Variants in SMS observed in about 807,000 individuals in gnomAD.
The protein encoded by SMS is spermine synthase, also known as spermidine aminopropyltransferase.
In SMS, 3 loss-of-function variants were observed where a neutral mutation model predicts 33.0. The observed-to-expected ratio is 0.09, with a 90% confidence interval of 0.04 to 0.23. SMS has a LOEUF of 0.23. Among genes scored for constraint, SMS ranks in the 10% least tolerant of loss-of-function variants. SMS has a pLI of 1.00. For synonymous variants in SMS, 103 were observed against 112.2 expected (o/e 0.92, Z 0.52); for missense variants, 117 against 288.6 (o/e 0.41, Z 4.31).
rs3216777 is a variant in SMS at position 21,994,794 on chromosome X, TAAAAAA to T, written c.*447_*452del. 1.4e-6 allele frequency: 1 copy of T among 729,987 alleles called. No individual in the cohort carries two copies. The highest frequency in any genetic ancestry group is 2.4e-5 in the African/African-American group (1 of 41,688). The allele number at this position is 729,987 out of a possible 1,213,427, so 60.2% of individuals were successfully genotyped here. On this transcript the variant is annotated 3_prime_UTR_variant, in exon 11 of 11. Coordinates refer to ENST00000404933, the MANE Select transcript of SMS (RefSeq NM_004595.5). ...AAATTTGGTGCTTATAAGAGAGAGT[TAAAAAA>T]AAATAGGATTGCTTCAATTAAAATT...
intron 7 of SMS, among the ~76,000 whole-genome samples, chrX:21,982,334 C>CT (rs2146951671): frequency 1.1e-5 from 1 of 89,361 alleles, no homozygotes; most frequent in Non-Finnish European, 2.1e-5. Context: ...CAAGACTTGT[C>CT]TCAAAAAAAA....
At chrX:21,989,661 G>A (rs1165112134) in intron 9 of SMS, among the ~76,000 whole-genome samples, 1 of 111,501 alleles carries the variant, frequency 9.0e-6, no homozygotes, top group Admixed American at 9.5e-5. Flanking sequence ...CACGCCTGAG[G>A]ATTTTCCAGA....
intron 9 of SMS, among the ~76,000 whole-genome samples, chrX:21,991,280 C>T (rs917173425): frequency 9.0e-6 from 1 of 111,528 alleles, no homozygotes; most frequent in Non-Finnish European, 1.9e-5. Context: ...TGGGTTCAAG[C>T]GGTTCTTCTG....
At chrX:21,979,733 T>G (rs1376970644) in intron 7 of SMS, among the ~76,000 whole-genome samples, 1 of 110,426 alleles carries the variant, frequency 9.1e-6, no homozygotes, top group Non-Finnish European at 1.9e-5. Context: ...ATGTGATCGC[T>G]GGGTCAAATG....
At position 21,994,720 on chromosome X, in the gene SMS, G is replaced by C; in HGVS notation, c.*369G>C. On this transcript the variant is annotated 3_prime_UTR_variant, in exon 11 of 11. Transcript: ENST00000404933. ...GAGTGAACATCGTTGTTTTGCTGGA[G>C]GGAAGATCTTGATGGTGTTTCTTTC... 1.3e-6 allele frequency: 1 copy of C among 783,153 alleles called. No homozygotes were observed. The highest frequency in any genetic ancestry group is 1.5e-6 in the Non-Finnish European group (1 of 658,537). 64.5% of individuals were successfully genotyped at this position (783,153 alleles called of 1,213,427 possible). A position where few individuals can be genotyped will look rare whatever the true frequency, so the allele number is the denominator to read the frequency against.
chrX:21,972,819 G>T (rs759353187), intron 4 of SMS, among the ~76,000 whole-genome samples: 1 of 106,293 alleles, frequency 9.4e-6, no homozygotes, highest in East Asian at 3.0e-4. Flanking sequence ...TGACGCATGC[G>T]AATGGCCTGA....
chrX:21,958,444 C>T (rs1228843733), intron 1 of SMS, among the ~76,000 whole-genome samples: 3 of 112,287 alleles, frequency 2.7e-5, no homozygotes, highest in African/African-American at 9.7e-5. Flanking sequence ...TTTTGGGGAA[C>T]AGCTTTATTG....
In SMS at chrX:21,966,772, A is replaced by G. The variant is rs1052958455; in HGVS notation, c.50-424A>G. On this transcript the variant is annotated intron_variant, in intron 1 of 10. Transcript: ENST00000404933. ...GGACAGGTATCCCCTTTCTAGTACC[A>G]TGTGTCCTCATTAATTTATTTAACC... Among the ~76,000 whole-genome samples the G allele has an allele frequency of 9.8e-5, 11 of 112,199 alleles. No individual in the cohort carries two copies. In the South Asian group the frequency reaches 1.8e-3, roughly 19 times the overall value.
chrX:21,975,225 G>A (rs1209163388), intron 4 of SMS, among the ~76,000 whole-genome samples: 2 of 110,982 alleles, frequency 1.8e-5, no homozygotes, highest in African/African-American at 3.3e-5. Flanking sequence ...CTGGTAGCCC[G>A]TTATAGGGCT....
intron 9 of SMS, among the ~76,000 whole-genome samples, chrX:21,990,708 G>A (rs1285910572): frequency 8.9e-6 from 1 of 112,759 alleles, no homozygotes; most frequent in Non-Finnish European, 1.9e-5. Flanking sequence ...TATAAAGAGA[G>A]AGTGTGGTGT....
chrX:21,983,110 G>T (rs907499717), intron 7 of SMS, among the ~76,000 whole-genome samples: 1 of 111,256 alleles, frequency 9.0e-6, no homozygotes, highest in African/African-American at 3.3e-5. Context: ...GATGATCATG[G>T]CTCACTACAG....
intron 9 of SMS, among the ~76,000 whole-genome samples, chrX:21,992,187 A>C (rs1398775580): frequency 8.9e-6 from 1 of 112,591 alleles, no homozygotes; most frequent in Non-Finnish European, 1.9e-5. Context: ...ATTGTAGTTT[A>C]AACCATTGTG....
In SMS at chrX:21,967,257, G is replaced by T. The variant is rs762162684; in HGVS notation, c.111G>T (p.Glu37Asp). The change falls in exon 2 of 11, where the codon GAG (glutamate) becomes GAT (aspartate). Residue 37 changes from glutamate to aspartate, a missense_variant. Coordinates refer to ENST00000404933, the MANE Select transcript of SMS (RefSeq NM_004595.5). ...QSIFQEQGMA[E>D]SVHTWQDHGY... is the part of the protein sequence containing the mutation. ...TTTTCCAGGAGCAGGGGATGGCGGA[G>T]TCGGTGCACACCTGGCAGGACCATG... The T allele has an allele frequency of 8.3e-7, 1 of 1,209,330 alleles. No homozygotes were observed. Among genetic ancestry groups the T allele is most frequent in the Non-Finnish European group, 1.1e-6 (1 of 894,272 alleles).
At chrX:21,989,166 C>T (rs929720286) in intron 9 of SMS, among the ~76,000 whole-genome samples, 1 of 110,783 alleles carries the variant, frequency 9.0e-6, no homozygotes, top group African/African-American at 3.3e-5. Flanking sequence ...TTCTTCTGTA[C>T]CTGTTACTGA....
chrX:21,991,726 C>T (rs1479087552), intron 9 of SMS, among the ~76,000 whole-genome samples: 2 of 112,208 alleles, frequency 1.8e-5, no homozygotes, highest in Non-Finnish European at 3.8e-5. Context: ...AGAAGCATTG[C>T]TCTAGAGTTA....
intron 1 of SMS, among the ~76,000 whole-genome samples, chrX:21,942,363 G>A (rs539635875): frequency 3.6e-5 from 4 of 110,589 alleles, no homozygotes; most frequent in Non-Finnish European, 7.6e-5. Flanking sequence ...TGGGCTCTGC[G>A]TGTGGCCTTG....
chrX:21,945,634 T>TCCCCCCCCCCCCCCCCCCCC (rs376720187), intron 1 of SMS, among the ~76,000 whole-genome samples: 5 of 34,139 alleles, frequency 1.5e-4, no homozygotes, highest in Non-Finnish European at 1.7e-4. Flanking sequence ...TTGCTTCCCG[T>TCCCCCCCCCCCCCCCCCCCC]CCCCCCCCCC....
At chrX:21,956,890 AT>A (rs1345346340) in intron 1 of SMS, among the ~76,000 whole-genome samples, 1 of 112,077 alleles carries the variant, frequency 8.9e-6, no homozygotes, top group Non-Finnish European at 1.9e-5. Flanking sequence ...CCCTGTCTGT[AT>A]TTTGCAGCCA....
intron 1 of SMS, among the ~76,000 whole-genome samples, chrX:21,962,619 T>A (rs183370212): frequency 2.7e-5 from 3 of 111,915 alleles, no homozygotes; most frequent in Admixed American, 9.5e-5. Context: ...ATTGGCCTAA[T>A]GTGTGGCATT....
Sources: gnomAD v4.1 joint callset for allele counts (sites outside exome capture counted in the v4.1 genomes callset) on GRCh38, gnomAD v4.1.1 for gene constraint, MANE v1.5 for transcripts, NCBI Gene and HGNC (gene_info 2026-07-23, HGNC 2026-07-21) for gene names.